The following PCDH15 variants were observed in gnomAD, a reference collection of about 807,000 sequenced individuals.
PCDH15 encodes protocadherin-15.
PCDH15 carries 129 observed loss-of-function variants against 178.5 expected under a neutral mutation model. That is an observed-to-expected ratio of 0.72 (90% CI 0.63 to 0.84). The LOEUF is 0.84. Ranked by LOEUF, PCDH15 falls within the 40% of genes least tolerant of loss-of-function variation. PCDH15 has a pLI of 0.00. For missense variants in PCDH15, 2,230 were observed against 2,099.9 expected, an observed-to-expected ratio of 1.06 and a Z score of -1.21; for synonymous variants, 800 against 732.0, an observed-to-expected ratio of 1.09 and a Z score of -1.50.
chr10:54,133,611 G>A (rs1370283599), intron 14 of PCDH15, among the ~76,000 whole-genome samples: 1 of 152,106 alleles, frequency 6.6e-6, no homozygotes, highest in East Asian at 1.9e-4. Flanking sequence ...ATTTAATAAA[G>A]CCCTTATAAT....
At chr10:55,503,098 A>C (rs1301859768) in intron 2 of PCDH15, among the ~76,000 whole-genome samples, 1 of 151,480 alleles carries the variant, frequency 6.6e-6, no homozygotes, top group Non-Finnish European at 1.5e-5. Flanking sequence ...TTATAAAAAT[A>C]CAGTAACTAG....
At chr10:55,341,086 AT>A (rs1284725116) in intron 2 of PCDH15, among the ~76,000 whole-genome samples, 1 of 151,884 alleles carries the variant, frequency 6.6e-6, no homozygotes, top group Non-Finnish European at 1.5e-5. Context: ...AGTAAATTTA[AT>A]TAGCCAAATA....
At chr10:54,650,303 G>A (rs575443164) in intron 2 of PCDH15, among the ~76,000 whole-genome samples, 1 of 152,138 alleles carries the variant, frequency 6.6e-6, no homozygotes, top group Admixed American at 6.6e-5. Flanking sequence ...CATAATAGTT[G>A]AACCACAATG....
At chr10:55,087,016 T>C (rs1842187837) in intron 2 of PCDH15, among the ~76,000 whole-genome samples, 1 of 152,092 alleles carries the variant, frequency 6.6e-6, no homozygotes, top group Non-Finnish European at 1.5e-5. Flanking sequence ...ATATCAATTA[T>C]AAAATCAAAG....
At chr10:54,424,750 A>G (rs1956038660) in intron 3 of PCDH15, among the ~76,000 whole-genome samples, 1 of 151,606 alleles carries the variant, frequency 6.6e-6, no homozygotes, top group South Asian at 2.1e-4. Flanking sequence ...TGAGCAAACT[A>G]TCACAAGGAC....
At chr10:55,343,550 T>C (rs1032459125) in intron 2 of PCDH15, among the ~76,000 whole-genome samples, 7 of 151,838 alleles carry the variant, frequency 4.6e-5, no homozygotes, top group East Asian at 1.9e-4. Flanking sequence ...TCCCCCCCAA[T>C]ATAACTGGCA....
chr10:54,495,697 C>G (rs1410989616), intron 3 of PCDH15, among the ~76,000 whole-genome samples: 1 of 152,114 alleles, frequency 6.6e-6, no homozygotes, highest in Non-Finnish European at 1.5e-5. Context: ...CTCTTATTAA[C>G]CACCTCTAAC....
At chr10:54,220,129 T>C (rs1291396979) in intron 9 of PCDH15, among the ~76,000 whole-genome samples, 1 of 152,214 alleles carries the variant, frequency 6.6e-6, no homozygotes, top group Non-Finnish European at 1.5e-5. Flanking sequence ...CCTGGAAGAA[T>C]GAACCCAAAA....
chr10:54,185,344 T>G, intron 11 of PCDH15, 76 bp from the exon 12 acceptor site: 1 of 1,544,156 alleles, frequency 6.5e-7, no homozygotes, highest in Admixed American at 1.7e-5. Flanking sequence ...GAAGTTAATG[T>G]TTGAAATTTA....
At chr10:54,146,997 A>ATATATAGTGTATATATATATAATG (rs1455509927) in intron 14 of PCDH15, among the ~76,000 whole-genome samples, 2 of 143,808 alleles carry the variant, frequency 1.4e-5, no homozygotes, top group Non-Finnish European at 3.0e-5. Context: ...TATAATGTAT[A>ATATATAGTGTATATATATATAATG]TATATAGTGT....
At chr10:54,253,186 G>A (rs965887798) in intron 8 of PCDH15, among the ~76,000 whole-genome samples, 1 of 151,990 alleles carries the variant, frequency 6.6e-6, no homozygotes, top group African/African-American at 2.4e-5. Context: ...AAATTTAAAA[G>A]AGTAAGAAAC....
At chr10:54,705,089 A>T (rs954271305) in intron 1 of PCDH15, among the ~76,000 whole-genome samples, 3 of 152,162 alleles carry the variant, frequency 2.0e-5, no homozygotes, top group African/African-American at 7.2e-5. Context: ...CAAACACTGC[A>T]TGTTCTCACT....
intron 21 of PCDH15, among the ~76,000 whole-genome samples, chr10:53,993,255 A>T (rs760659388): frequency 2.0e-4 from 31 of 152,342 alleles, no homozygotes; most frequent in Admixed American, 5.9e-4. Flanking sequence ...AATTTCTGGA[A>T]GTCTGGCACA....
In PCDH15 at chr10:55,462,153, T is replaced by A. The variant is rs534021682; in HGVS notation, c.-156+165472A>T. 3.2e-3 allele frequency among the ~76,000 whole-genome samples: 486 copies of A among 152,288 alleles called. 3 individuals carry two copies. The highest frequency in any genetic ancestry group is 0.02 in the Middle Eastern group (6 of 294). ...TGCATTTTTATGGACATAAAATATA[T>A]AGTACAGAGTTTCATATATATTTCC... On this transcript the variant is annotated intron_variant, in intron 2 of 5. Coordinates refer to the PCDH15 transcript ENST00000613346.
chr10:54,094,185 T>C (rs1410049961), intron 15 of PCDH15, among the ~76,000 whole-genome samples: 1 of 152,202 alleles, frequency 6.6e-6, no homozygotes, highest in Admixed American at 6.5e-5. Context: ...ATTGAGCATC[T>C]ACGCTGTGTT....
chr10:54,039,318 G>T (rs1442643147), intron 18 of PCDH15, among the ~76,000 whole-genome samples: 1 of 151,898 alleles, frequency 6.6e-6, no homozygotes, highest in Non-Finnish European at 1.5e-5. Context: ...GAGATAGAAA[G>T]ATGAGCTGGA....
At chr10:54,153,316 A>G in intron 13 of PCDH15, 23 bp from the exon 14 acceptor site, 1 of 1,613,026 alleles carries the variant, frequency 6.2e-7, no homozygotes. Context: ...ATCACAACAT[A>G]AATCCTCTTG....
chr10:54,552,280 A>G (rs1423489473), intron 2 of PCDH15, among the ~76,000 whole-genome samples: 1 of 152,190 alleles, frequency 6.6e-6, no homozygotes, highest in Non-Finnish European at 1.5e-5. Flanking sequence ...AACCTTTCAA[A>G]ATCATAAAAA....
chr10:55,168,327 G>A (rs2132120427), intron 1 of PCDH15, among the ~76,000 whole-genome samples: 1 of 152,182 alleles, frequency 6.6e-6, no homozygotes, highest in African/African-American at 2.4e-5. Flanking sequence ...GAAAACTCTT[G>A]ATATAAATCA....
Sources: gnomAD v4.1 joint callset for allele counts (sites outside exome capture counted in the v4.1 genomes callset) on GRCh38, gnomAD v4.1.1 for gene constraint, MANE v1.5 for transcripts, NCBI Gene and HGNC (gene_info 2026-07-23, HGNC 2026-07-21) for gene names.